The following FANCL variants were observed in gnomAD, a reference collection of about 807,000 sequenced individuals.
FANCL encodes FA complementation group L.
In FANCL, 69 loss-of-function variants were observed where a neutral mutation model predicts 59.4. The observed-to-expected ratio is 1.16, with a 90% CI of 0.96 to 1.42. The LOEUF is 1.42. FANCL is among the 40% of genes most tolerant of loss of function. FANCL has a pLI of 0.00. For synonymous variants in FANCL, 180 were observed against 147.1 expected (o/e 1.22, Z -1.62); for missense variants, 519 against 447.2 (o/e 1.16, Z -1.45).
In FANCL at chr2:58,166,639, A is replaced by T. The variant is rs1685980438; in HGVS notation, c.541-765T>A. 3.9e-5 allele frequency among the ~76,000 whole-genome samples: 6 copies of T among 152,360 alleles called. No individual in the cohort carries two copies. The South Asian group carries it at 1.2e-3, about 32-fold the overall frequency. The stretch of plus-strand genomic sequence containing the variant: ...TACTAAATACTTTTGATACAAAATC[A>T]AAACAGTTTAATAAGAAGGATTTGT... On this transcript the variant is annotated intron_variant, in intron 7 of 13. Transcript: ENST00000233741.
intron 7 of FANCL, among the ~76,000 whole-genome samples, chr2:58,192,582 A>G (rs757088926): frequency 6.6e-6 from 1 of 152,032 alleles, no homozygotes; most frequent in Non-Finnish European, 1.5e-5. Flanking sequence ...AAATATCTTC[A>G]TAATAATGTA....
At chr2:58,163,771 G>T (rs766419213) in intron 8 of FANCL, among the ~76,000 whole-genome samples, 2 of 151,936 alleles carry the variant, frequency 1.3e-5, no homozygotes, top group Non-Finnish European at 2.9e-5. Context: ...TGCAATTCTG[G>T]TCAACTGTAT....
At chr2:58,235,061 A>C (rs1016632502) in intron 1 of FANCL, among the ~76,000 whole-genome samples, 2 of 151,974 alleles carry the variant, frequency 1.3e-5, no homozygotes, top group Non-Finnish European at 2.9e-5. Flanking sequence ...TGGACAAACA[A>C]ATAAGAGCAT....
At chr2:58,209,159 T>C (rs1045060984) in intron 5 of FANCL, among the ~76,000 whole-genome samples, 3 of 151,978 alleles carry the variant, frequency 2.0e-5, no homozygotes, top group African/African-American at 7.3e-5. Context: ...ATGTAAGTTT[T>C]AGCTTGCCAA....
chr2:58,228,606 GCTTA>G, intron 3 of FANCL, among the ~76,000 whole-genome samples: 1 of 152,274 alleles, frequency 6.6e-6, no homozygotes, highest in Non-Finnish European at 1.5e-5. Flanking sequence ...AGATCTTATG[GCTTA>G]CTAAGCCAGA....
At chr2:58,188,214 G>C (rs1482183927) in intron 7 of FANCL, among the ~76,000 whole-genome samples, 1 of 152,098 alleles carries the variant, frequency 6.6e-6, no homozygotes, top group Non-Finnish European at 1.5e-5. Flanking sequence ...ACAGCTGTCT[G>C]TATATGTATG....
chr2:58,231,023 C>T lies in FANCL; in HGVS notation c.155+1031G>A, dbSNP rs187131600. Among the ~76,000 whole-genome samples, 602 of 152,308 alleles carry T rather than the reference C, an allele frequency of 4.0e-3. 5 individuals are homozygous for T. Among genetic ancestry groups the T allele is most frequent in the African/African-American group, 0.012 (487 of 41,558 alleles). Reference sequence around the variant, plus strand: ...CAAAACTTACTTGCATCTAACCTATCTCTTTGTAATCCTCAGCATTGCTAA... The same window carrying T: ...CAAAACTTACTTGCATCTAACCTATTTCTTTGTAATCCTCAGCATTGCTAA... On this transcript the variant is annotated intron_variant, in intron 2 of 13. Coordinates refer to ENST00000233741, the MANE Select transcript of FANCL (RefSeq NM_018062.4).
At chr2:58,171,864 G>A (rs1335372501) in intron 7 of FANCL, among the ~76,000 whole-genome samples, 1 of 152,064 alleles carries the variant, frequency 6.6e-6, no homozygotes, top group African/African-American at 2.4e-5. Flanking sequence ...AAAGAAAGGG[G>A]TGACAGACAG....
At chr2:58,234,763 T>A (rs1228698699) in intron 1 of FANCL, among the ~76,000 whole-genome samples, 1 of 151,398 alleles carries the variant, frequency 6.6e-6, no homozygotes, top group East Asian at 1.9e-4. Flanking sequence ...GAAAACAGAA[T>A]ATAATTGGAA....
intron 7 of FANCL, among the ~76,000 whole-genome samples, chr2:58,186,219 T>G (rs2105001717): frequency 6.6e-6 from 1 of 152,266 alleles, no homozygotes; most frequent in Admixed American, 6.5e-5. Context: ...ATTGCATAGG[T>G]TTTGTTCAAT....
chr2:58,202,735 A>G (rs17049406), intron 6 of FANCL, among the ~76,000 whole-genome samples: 1 of 151,894 alleles, frequency 6.6e-6, no homozygotes, highest in South Asian at 2.1e-4. Context: ...AATTGTCACA[A>G]CCTCACTCTG....
chr2:58,198,800 C>A (rs867919602), intron 6 of FANCL, 138 bp from the exon 7 acceptor site: 1 of 651,332 alleles, frequency 1.5e-6, no homozygotes, highest in African/African-American at 1.8e-5. Flanking sequence ...GAGGCCGAGG[C>A]GGGCGGATCA....
intron 7 of FANCL, among the ~76,000 whole-genome samples, chr2:58,167,152 C>T (rs1327235083): frequency 2.0e-5 from 3 of 152,164 alleles, no homozygotes; most frequent in Non-Finnish European, 4.4e-5. Context: ...GCAGAGGTTG[C>T]AGTGGGCCGA....
intron 7 of FANCL, among the ~76,000 whole-genome samples, chr2:58,167,881 T>C (rs994557017): frequency 6.6e-6 from 1 of 152,180 alleles, no homozygotes; most frequent in African/African-American, 2.4e-5. Context: ...AAAACTATTA[T>C]ATCAGTAAGC....
At chr2:58,224,547 T>TAAAAAAG (rs1166971315) in intron 4 of FANCL, among the ~76,000 whole-genome samples, 1 of 151,808 alleles carries the variant, frequency 6.6e-6, no homozygotes, top group Non-Finnish European at 1.5e-5. Context: ...TTATTAGCAT[T>TAAAAAAG]AAAAAAGGAC....
At position 58,159,369 on chromosome 2, in the gene FANCL, G is replaced by GAAATATC; in HGVS notation, c.*389_*395dup. On this transcript the variant is annotated 3_prime_UTR_variant, in exon 14 of 14. Transcript: ENST00000233741. ...CATAGGAAAGCACAAGGAGAAGACA[G>GAAATATC]AAATATCAAGAGTCTCAAGAACCTT... The GAAATATC allele has an allele frequency of 6.2e-7, 1 of 1,608,204 alleles. No individual in the cohort carries two copies. The highest frequency in any genetic ancestry group is 8.5e-7 in the Non-Finnish European group (1 of 1,177,912).
chr2:58,169,160 G>A (rs978991908), intron 7 of FANCL, among the ~76,000 whole-genome samples: 1 of 152,110 alleles, frequency 6.6e-6, no homozygotes, highest in Non-Finnish European at 1.5e-5. Flanking sequence ...GAGAGCTCCA[G>A]CTGGCATCTG....
chr2:58,215,768 T>C (rs1691656362), intron 5 of FANCL, among the ~76,000 whole-genome samples: 1 of 150,564 alleles, frequency 6.6e-6, no homozygotes. Flanking sequence ...AATAACAGAC[T>C]GGAAAGGCCA....
intron 5 of FANCL, among the ~76,000 whole-genome samples, chr2:58,217,301 G>A (rs1691937090): frequency 6.8e-6 from 1 of 146,008 alleles, no homozygotes; most frequent in African/African-American, 2.5e-5. Context: ...TGGAGGCCAG[G>A]GGTTCCACAT....
Sources: gnomAD v4.1 joint callset for allele counts (sites outside exome capture counted in the v4.1 genomes callset) on GRCh38, gnomAD v4.1.1 for gene constraint, MANE v1.5 for transcripts, NCBI Gene and HGNC (gene_info 2026-07-23, HGNC 2026-07-21) for gene names.